Variants in CDH12 observed in about 807,000 individuals in gnomAD.
The protein encoded by CDH12 is cadherin-12.
In CDH12, 41 loss-of-function variants were observed where a neutral mutation model predicts 74.1. The observed-to-expected ratio is 0.55, with a 90% CI of 0.43 to 0.72. The LOEUF is 0.72. CDH12 is among the 30% of genes least tolerant of loss of function. The pLI, the probability that CDH12 is intolerant of heterozygous loss-of-function variation, is 0.00. For synonymous variants in CDH12, 399 were observed against 355.0 expected (o/e 1.12, Z -1.39); for missense variants, 945 against 977.2 (o/e 0.97, Z 0.44).
chr5:22,781,665 CTT>C (rs1412826404), intron 1 of CDH12, among the ~76,000 whole-genome samples: 1 of 152,158 alleles, frequency 6.6e-6, no homozygotes, highest in Non-Finnish European at 1.5e-5. Flanking sequence ...GTTCTGTACT[CTT>C]TAGTCCAGAG....
intron 3 of CDH12, among the ~76,000 whole-genome samples, chr5:22,397,027 A>T (rs1298550877): frequency 1.3e-5 from 2 of 152,028 alleles, no homozygotes; most frequent in South Asian, 2.1e-4. Context: ...GTCTGCTGGT[A>T]ACCTCTCAAT....
intron 4 of CDH12, among the ~76,000 whole-genome samples, chr5:22,095,393 C>T (rs770488314): frequency 2.8e-4 from 43 of 152,102 alleles, no homozygotes; most frequent in African/African-American, 4.8e-4. Context: ...GTCATGGACT[C>T]GGGAAGGCAG....
intron 6 of CDH12, among the ~76,000 whole-genome samples, chr5:21,936,311 C>G (rs1755072566): frequency 6.6e-6 from 1 of 152,108 alleles, no homozygotes; most frequent in Non-Finnish European, 1.5e-5. Context: ...AACTTTTTCC[C>G]CACACATTTC....
chr5:21,806,309 G>A (rs908365138), intron 9 of CDH12, among the ~76,000 whole-genome samples: 2 of 152,120 alleles, frequency 1.3e-5, no homozygotes, highest in African/African-American at 2.4e-5. Flanking sequence ...ATTAACGTGG[G>A]CAGGTCTTTT....
At chr5:22,455,697 T>C (rs1427322076) in intron 2 of CDH12, among the ~76,000 whole-genome samples, 3 of 152,118 alleles carry the variant, frequency 2.0e-5, no homozygotes, top group African/African-American at 7.2e-5. Flanking sequence ...ATGGGAATGG[T>C]TGAAATCACA....
intron 1 of CDH12, among the ~76,000 whole-genome samples, chr5:22,660,941 C>T (rs1167023344): frequency 6.6e-6 from 1 of 152,018 alleles, no homozygotes; most frequent in Non-Finnish European, 1.5e-5. Flanking sequence ...TGAGAACAAA[C>T]CCACAAACAA....
intron 13 of CDH12, among the ~76,000 whole-genome samples, chr5:21,760,199 G>A (rs368529790): frequency 4.6e-5 from 7 of 152,088 alleles, no homozygotes; most frequent in East Asian, 1.9e-4. Flanking sequence ...GTGCTGTACG[G>A]TGTGTTATTC....
chr5:22,452,747 C>T (rs1394414884), intron 2 of CDH12, among the ~76,000 whole-genome samples: 1 of 151,344 alleles, frequency 6.6e-6, no homozygotes, highest in Non-Finnish European at 1.5e-5. Context: ...TAAAAACCTT[C>T]TGCACAACAG....
intron 3 of CDH12, among the ~76,000 whole-genome samples, chr5:22,354,843 T>A (rs1015897833): frequency 3.3e-5 from 5 of 152,320 alleles, no homozygotes; most frequent in Admixed American, 6.5e-5. Flanking sequence ...GTCATATATA[T>A]ACTGGTTTAT....
At chr5:22,305,906 C>T (rs963461922) in intron 3 of CDH12, among the ~76,000 whole-genome samples, 1 of 152,118 alleles carries the variant, frequency 6.6e-6, no homozygotes, top group East Asian at 1.9e-4. Flanking sequence ...TGCCCACTTT[C>T]ACACTAAGGC....
chr5:21,794,145 CT>C (rs1312895193), intron 10 of CDH12, among the ~76,000 whole-genome samples: 1 of 151,344 alleles, frequency 6.6e-6, no homozygotes. Flanking sequence ...AATATAATGT[CT>C]TTTTTTCTTA....
chr5:22,412,522 T>C (rs1743207822), intron 2 of CDH12, among the ~76,000 whole-genome samples: 1 of 151,948 alleles, frequency 6.6e-6, no homozygotes, highest in African/African-American at 2.4e-5. Flanking sequence ...TATTTGTGAT[T>C]TTATTGTTTA....
intron 6 of CDH12, among the ~76,000 whole-genome samples, chr5:21,888,904 T>G (rs62350978): frequency 0.028 from 4,222 of 152,128 alleles, 93 homozygotes; most frequent in Non-Finnish European, 0.041. Context: ...GATTTTAAGC[T>G]TCTATCATTA....
chr5:21,840,782 G>A (rs934037484), intron 8 of CDH12, among the ~76,000 whole-genome samples: 1 of 152,154 alleles, frequency 6.6e-6, no homozygotes, highest in Non-Finnish European at 1.5e-5. Context: ...AATAAATGGT[G>A]CTGGGAAAAC....
intron 1 of CDH12, among the ~76,000 whole-genome samples, chr5:22,518,583 G>C (rs1385678814): frequency 6.6e-6 from 1 of 152,264 alleles, no homozygotes; most frequent in East Asian, 1.9e-4. Context: ...ACTGTTTCAA[G>C]TGTTATGACA....
chr5:21,949,980 C>T (rs1437218634), intron 6 of CDH12, among the ~76,000 whole-genome samples: 1 of 152,196 alleles, frequency 6.6e-6, no homozygotes, highest in African/African-American at 2.4e-5. Context: ...TCACTCACCA[C>T]TTACTCACTA....
intron 1 of CDH12, among the ~76,000 whole-genome samples, chr5:22,703,206 G>A (rs1742811387): frequency 6.6e-6 from 1 of 152,112 alleles, no homozygotes; most frequent in Non-Finnish European, 1.5e-5. Flanking sequence ...GGATCTTTGT[G>A]CTATAAAACA....
chr5:21,833,010 A>G (rs1320542174), intron 8 of CDH12, among the ~76,000 whole-genome samples: 4 of 52,486 alleles, frequency 7.6e-5, no homozygotes, highest in South Asian at 6.4e-4. Flanking sequence ...TATTATATAT[A>G]ATATATGATA....
At chr5:21,950,527 T>C (rs2150100017) in intron 6 of CDH12, among the ~76,000 whole-genome samples, 1 of 151,546 alleles carries the variant, frequency 6.6e-6, no homozygotes, top group South Asian at 2.1e-4. Context: ...CTAAAAAACA[T>C]AGATTGGCAG....
Sources: allele counts gnomAD v4.1 joint callset (sites outside exome capture counted in the v4.1 genomes callset), GRCh38; gene constraint gnomAD v4.1.1; transcripts MANE v1.5; gene names NCBI Gene and HGNC (gene_info 2026-07-23, HGNC 2026-07-21).